The following LRRN1 variants were observed in gnomAD, a reference collection of about 807,000 sequenced individuals.
LRRN1 encodes the protein leucine rich repeat neuronal 1.
A neutral mutation model predicts 45.8 loss-of-function variants in LRRN1; 14 were observed. That is an observed-to-expected ratio of 0.31 (90% CI 0.20 to 0.48). The LOEUF is 0.48. LRRN1 is among the 20% of genes least tolerant of loss of function. LRRN1 has a pLI of 0.99. For synonymous variants in LRRN1, 359 were observed against 330.1 expected, an observed-to-expected ratio of 1.09 and a Z score of -0.95; for missense variants, 789 against 874.2, an observed-to-expected ratio of 0.90 and a Z score of 1.23.
rs758473324 is a variant in LRRN1 at position 3,827,508 on chromosome 3, C to T, written c.-278-16856C>T. On this transcript the variant is annotated intron_variant, in intron 1 of 1. Transcript: ENST00000319331. The stretch of plus-strand genomic sequence containing the variant: ...GTTGAGGCAATCTATTTTTCTTAAA[C>T]TCTGTAAGGCAAGAAGGAAATCTTG... 139 of 456,454 alleles carry T rather than the reference C, an allele frequency of 3.0e-4. No homozygotes were observed. In the Middle Eastern group the frequency reaches 5.5e-3, roughly 18 times the overall value. The allele number at this position is 456,454 out of a possible 1,614,324, so 28.3% of individuals were successfully genotyped here.
At chr3:3,839,925 G>A (rs1459730305) in intron 1 of LRRN1, among the ~76,000 whole-genome samples, 2 of 152,028 alleles carry the variant, frequency 1.3e-5, no homozygotes, top group Admixed American at 6.6e-5. Context: ...TGTAATCTGG[G>A]AACAGATAAT....
At chr3:3,834,354 C>G (rs530801496) in intron 1 of LRRN1, among the ~76,000 whole-genome samples, 1 of 150,748 alleles carries the variant, frequency 6.6e-6, no homozygotes, top group South Asian at 2.1e-4. Flanking sequence ...TCAGTGTTCT[C>G]CATACTATTA....
At position 3,830,492 on chromosome 3, in the gene LRRN1, T is replaced by C. The variant is rs1693342850; in HGVS notation, c.-278-13872T>C. 2.6e-5 allele frequency among the ~76,000 whole-genome samples: 4 copies of C among 152,250 alleles called. No homozygotes were observed. The South Asian group carries it at 6.2e-4, about 24-fold the overall frequency. ...CTTTAGGGATGTCCTAAAAAGGGGC[T>C]GTAGTGCTGCAGCTGTCCATTTTCA... On this transcript the variant is annotated intron_variant, in intron 1 of 1. Coordinates refer to ENST00000319331, the MANE Select transcript of LRRN1 (RefSeq NM_020873.7).
chr3:3,811,995 G>T (rs149796865), intron 1 of LRRN1, among the ~76,000 whole-genome samples: 1 of 152,354 alleles, frequency 6.6e-6, no homozygotes, highest in African/African-American at 2.4e-5. Flanking sequence ...AAACTCATCT[G>T]TAGAATGGAG....
intron 1 of LRRN1, among the ~76,000 whole-genome samples, chr3:3,820,888 G>A (rs1693089044): frequency 6.6e-6 from 1 of 152,188 alleles, no homozygotes; most frequent in South Asian, 2.1e-4. Context: ...ATGAAACAGT[G>A]TGGCTTAGAG....
rs867238021 is a variant in LRRN1 at position 3,846,134 on chromosome 3, C to G, written c.1493C>G (p.Thr498Arg). The part of the protein sequence containing the change: ...NIQIEDSGRY[T>R]CVAQNVQGAD... ...CAAATTGAAGACTCAGGAAGATACA[C>G]ATGTGTTGCCCAGAATGTCCAAGGG... The change falls in exon 2 of 2, where the codon ACA becomes AGA. Residue 498 changes from threonine (T) to arginine (R), a missense_variant. By Grantham distance (71) the Thr-to-Arg change is moderately conservative (BLOSUM62 -1). Coordinates refer to ENST00000319331, the MANE Select transcript of LRRN1 (RefSeq NM_020873.7). This position sits in a 1 kb window ranked among gnomAD's most constrained non-coding sequence, Gnocchi z 5.7. The G allele has an allele frequency of 5.0e-6, 8 of 1,614,102 alleles. No individual in the cohort carries two copies. The highest frequency in any genetic ancestry group is 6.8e-6 in the Non-Finnish European group (8 of 1,180,024).
chr3:3,817,906 G>A (rs932625667), intron 1 of LRRN1, among the ~76,000 whole-genome samples: 21 of 152,296 alleles, frequency 1.4e-4, no homozygotes, highest in African/African-American at 5.1e-4. Flanking sequence ...TTCAGTCTGG[G>A]AGAAAAGCAA....
chr3:3,810,390 C>G (rs888144224), intron 1 of LRRN1, among the ~76,000 whole-genome samples: 30 of 152,292 alleles, frequency 2.0e-4, no homozygotes, highest in Middle Eastern at 3.4e-3. Context: ...TGTAAATGGT[C>G]CATAGACAAT....
rs1424866446 is a variant in LRRN1 at position 3,847,886 on chromosome 3, A to C, written c.*1094A>C. ...GGTTCATATGAAGAAAAAAAGGTGT[A>C]TTGTTGTATCCCATGCATAAATAAA... is the stretch of plus-strand genomic sequence containing the variant. On this transcript the variant is annotated 3_prime_UTR_variant, in exon 2 of 2. Coordinates refer to ENST00000319331, the MANE Select transcript of LRRN1 (RefSeq NM_020873.7). Among the ~76,000 whole-genome samples, 1 of 152,104 alleles carries C rather than the reference A, an allele frequency of 6.6e-6. No homozygotes were observed. Among genetic ancestry groups the C allele is most frequent in the Non-Finnish European group, 1.5e-5 (1 of 68,014 alleles).
In LRRN1 at chr3:3,845,011, C is replaced by T. The variant is rs751398377; in HGVS notation, c.370C>T (p.Leu124=). ...GLANLTQLTT[L]HLEENQITEM... ...GGCAAACCTAACCCAGCTCACAACGCTGCATTTGGAGGAAAATCAGATTAC... is the reference window on the plus strand; with the variant it reads ...GGCAAACCTAACCCAGCTCACAACGTTGCATTTGGAGGAAAATCAGATTAC... Residue 124 remains leucine, a synonymous_variant, in exon 2 of 2, where the codon CTG becomes TTG. Coordinates refer to ENST00000319331, the MANE Select transcript of LRRN1 (RefSeq NM_020873.7). The surrounding 1 kb of genome is among the most constrained non-coding windows in gnomAD (Gnocchi z 6.5). 4 of 1,614,110 alleles carry T rather than the reference C, an allele frequency of 2.5e-6. No individual in the cohort carries two copies. Among genetic ancestry groups the T allele is most frequent in the Non-Finnish European group, 3.4e-6 (4 of 1,180,030 alleles).
At chr3:3,842,404 T>C (rs1345543161) in intron 1 of LRRN1, among the ~76,000 whole-genome samples, 1 of 151,992 alleles carries the variant, frequency 6.6e-6, no homozygotes, top group African/African-American at 2.4e-5. Flanking sequence ...GGATTTAATT[T>C]TTTTTTTTTA....
chr3:3,846,398 T>G lies in LRRN1; in HGVS notation c.1757T>G (p.Leu586Arg). ...VDVHEYNLTH[L>R]QPSTDYEVCL... ...GTCCATGAATACAACCTAACGCATC[T>G]GCAGCCTTCCACAGATTATGAAGTG... Residue 586 changes from leucine (L) to arginine (R), a missense_variant, in exon 2 of 2, where the codon CTG becomes CGG. By Grantham distance (102) the Leu-to-Arg change is moderately radical (BLOSUM62 -2). Transcript: ENST00000319331. The surrounding 1 kb of genome is among the most constrained non-coding windows in gnomAD (Gnocchi z 5.7). The G allele has an allele frequency of 6.2e-7, 1 of 1,613,960 alleles. No homozygotes were observed. Among genetic ancestry groups the G allele is most frequent in the Non-Finnish European group, 8.5e-7 (1 of 1,180,018 alleles).
chr3:3,820,444 C>G (rs577028662), intron 1 of LRRN1, among the ~76,000 whole-genome samples: 1 of 152,226 alleles, frequency 6.6e-6, no homozygotes, highest in African/African-American at 2.4e-5. Context: ...CAGGGCTGAA[C>G]ATTTTTTGTT....
At position 3,836,090 on chromosome 3, in the gene LRRN1, TAA is replaced by T. The variant is rs61166417; in HGVS notation, c.-278-8264_-278-8263del. On this transcript the variant is annotated intron_variant, in intron 1 of 1. Coordinates refer to ENST00000319331, the MANE Select transcript of LRRN1 (RefSeq NM_020873.7). ...AGCCCTAGAAGAAAGCAATTTCACT[TAA>T]AAAAAAAAATCTATTCCAGCCATTT... Among the ~76,000 whole-genome samples, 23 of 151,378 alleles carry T rather than the reference TAA, an allele frequency of 1.5e-4. No homozygotes were observed. The South Asian group carries it at 3.8e-3, about 25-fold the overall frequency.
chr3:3,830,379 C>G (rs1327153282), intron 1 of LRRN1, among the ~76,000 whole-genome samples: 1 of 152,234 alleles, frequency 6.6e-6, no homozygotes, highest in African/African-American at 2.4e-5. Flanking sequence ...ACTCACACAT[C>G]TGGCCATTTC....
At chr3:3,812,683 T>C (rs1575282004) in intron 1 of LRRN1, among the ~76,000 whole-genome samples, 1 of 152,092 alleles carries the variant, frequency 6.6e-6, no homozygotes, top group South Asian at 2.1e-4. Flanking sequence ...TCTTGGCTGG[T>C]TAGGTGGCAT....
intron 1 of LRRN1, among the ~76,000 whole-genome samples, chr3:3,841,356 G>GT (rs11406656): frequency 0.93 from 139,957 of 151,220 alleles, 65,564 homozygotes; most frequent in Non-Finnish European, 1. Context: ...TATTCTTTTG[G>GT]TTTTCTATTT....
intron 1 of LRRN1, among the ~76,000 whole-genome samples, chr3:3,828,877 C>T: frequency 6.6e-6 from 1 of 152,152 alleles, no homozygotes; most frequent in Non-Finnish European, 1.5e-5. Flanking sequence ...GCACTTGTTT[C>T]TGCAGCTGGT....
chr3:3,805,719 C>G (rs1692737013), intron 1 of LRRN1, among the ~76,000 whole-genome samples: 1 of 152,144 alleles, frequency 6.6e-6, no homozygotes, highest in South Asian at 2.1e-4. Context: ...TTAAAATTTT[C>G]TCTCCCTAGC....
Sources: allele counts gnomAD v4.1 joint callset (sites outside exome capture counted in the v4.1 genomes callset), GRCh38; gene constraint gnomAD v4.1.1; non-coding constraint Gnocchi (gnomAD v3.1); transcripts MANE v1.5; gene names NCBI Gene and HGNC (gene_info 2026-07-23, HGNC 2026-07-21).